Variants in PTGR1 observed in about 807,000 individuals in gnomAD.
PTGR1 encodes the protein prostaglandin reductase 1.
PTGR1 carries 23 observed loss-of-function variants against 37.7 expected under a neutral mutation model. The ratio of observed to expected loss-of-function variants is 0.61; its 90% confidence interval spans 0.44 to 0.86. The LOEUF (loss-of-function observed/expected upper bound fraction) is 0.86. PTGR1 is among the 40% of genes least tolerant of loss of function. PTGR1 has a pLI of 0.00. For missense variants in PTGR1, 351 were observed against 394.3 expected (o/e 0.89, Z 0.93); for synonymous variants, 134 against 140.0 (o/e 0.96, Z 0.30).
At chr9:111,574,692 C>G in intron 8 of PTGR1, 42 bp downstream of exon 8, 1 of 1,428,502 alleles carries the variant, frequency 7.0e-7, no homozygotes, top group Non-Finnish European at 9.7e-7. Flanking sequence ...TTCTCCTTGT[C>G]CAGCCTTGTG....
Position 111,562,907 on chromosome 9 carries a change from T to C in PTGR1, c.*214A>G. The C allele has an allele frequency of 7.6e-7, 1 of 1,323,252 alleles. No individual in the cohort carries two copies. Among genetic ancestry groups the C allele is most frequent in the Non-Finnish European group, 9.8e-7 (1 of 1,023,036 alleles). The allele number at this position is 1,323,252 out of a possible 1,614,324, so 82.0% of individuals were successfully genotyped here. A position where few individuals can be genotyped will look rare whatever the true frequency, so the allele number is the denominator to read the frequency against. ...TTCTACCACAACTCAGAAGAAGCTG[T>C]AGTGAACAGTGAGGTGACTGGTTGT... On this transcript the variant is annotated 3_prime_UTR_variant, in exon 10 of 10. Coordinates refer to ENST00000407693, the MANE Select transcript of PTGR1 (RefSeq NM_001146108.2).
At chr9:111,583,230 C>T (rs79875967) in intron 6 of PTGR1, among the ~76,000 whole-genome samples, 89 of 152,318 alleles carry the variant, frequency 5.8e-4, no homozygotes, top group Non-Finnish European at 1.1e-3. Context: ...TGATAAATGC[C>T]GATAAACTCA....
intron 8 of PTGR1, among the ~76,000 whole-genome samples, chr9:111,570,970 CTT>C (rs1828792758): frequency 6.6e-6 from 1 of 152,168 alleles, no homozygotes; most frequent in African/African-American, 2.4e-5. Context: ...ATGCCCCTGG[CTT>C]TGAGGACAGA....
chr9:111,589,635 A>C (rs1829546498), intron 4 of PTGR1, among the ~76,000 whole-genome samples: 1 of 148,642 alleles, frequency 6.7e-6, no homozygotes, highest in Non-Finnish European at 1.5e-5. Flanking sequence ...TACAGAAAAC[A>C]TGAATACTTT....
At chr9:111,558,357 C>A (rs1413020086), downstream of PTGR1, among the ~76,000 whole-genome samples, 1 of 151,952 alleles carries the variant, frequency 6.6e-6, no homozygotes, top group Non-Finnish European at 1.5e-5. Context: ...CTTCATTATT[C>A]TTTGAGCACT....
intron 9 of PTGR1, among the ~76,000 whole-genome samples, chr9:111,566,200 G>T (rs1828554826): frequency 6.6e-6 from 1 of 151,164 alleles, no homozygotes; most frequent in Non-Finnish European, 1.5e-5. Flanking sequence ...GAGCCTCCAT[G>T]TCAAAAATAA....
intron 4 of PTGR1, among the ~76,000 whole-genome samples, chr9:111,590,647 C>A (rs1829581236): frequency 6.6e-6 from 1 of 152,230 alleles, no homozygotes; most frequent in Admixed American, 6.5e-5. Context: ...GCATGAGCCA[C>A]TGCGTCCAGC....
chr9:111,563,385 G>A (rs1828399284), intron 9 of PTGR1, 154 bp from the exon 10 acceptor site: 2 of 680,272 alleles, frequency 2.9e-6, no homozygotes, highest in Admixed American at 6.1e-5. Context: ...AGTCAAGGTG[G>A]GGCAAGATCC....
Sources: allele counts gnomAD v4.1 joint callset (sites outside exome capture counted in the v4.1 genomes callset), GRCh38; gene constraint gnomAD v4.1.1; transcripts MANE v1.5; gene names NCBI Gene and HGNC (gene_info 2026-07-23, HGNC 2026-07-21).